MACROD2: variants seen among roughly 807,000 people sequenced by gnomAD.
The protein encoded by MACROD2 is ADP-ribose glycohydrolase MACROD2.
A neutral mutation model predicts 70.4 loss-of-function variants in MACROD2; 36 were observed. That is an observed-to-expected ratio of 0.51 (90% CI 0.39 to 0.68). MACROD2 has a LOEUF of 0.68. Among genes scored for constraint, MACROD2 ranks in the 30% least tolerant of loss-of-function variants. MACROD2 has a pLI of 0.00. For missense variants in MACROD2, 496 were observed against 538.4 expected, an observed-to-expected ratio of 0.92 and a Z score of 0.78; for synonymous variants, 172 against 178.8, an observed-to-expected ratio of 0.96 and a Z score of 0.30.
At chr20:15,655,327 T>C (rs2049712868) in intron 8 of MACROD2, among the ~76,000 whole-genome samples, 1 of 151,976 alleles carries the variant, frequency 6.6e-6, no homozygotes, top group African/African-American at 2.4e-5. Context: ...TTTTTTTTTT[T>C]TTTTTTTAAC....
intron 5 of MACROD2, among the ~76,000 whole-genome samples, chr20:14,725,505 C>T (rs1433002931): frequency 6.6e-6 from 1 of 152,104 alleles, no homozygotes; most frequent in African/African-American, 2.4e-5. Context: ...AAGCCCTTAG[C>T]ATGCTCATAT....
rs535504404 is a variant in MACROD2 at position 14,634,075 on chromosome 20, C to T, written c.302-50768C>T. Reference sequence around the variant, plus strand: ...CCAGGAGCATTGCTCTCTTCACAGCCCCCTGGGCGTGCCATTTCCCACAAC... The same window carrying T: ...CCAGGAGCATTGCTCTCTTCACAGCTCCCTGGGCGTGCCATTTCCCACAAC... On this transcript the variant is annotated intron_variant, in intron 4 of 17. Coordinates refer to ENST00000684519, the MANE Select transcript of MACROD2 (RefSeq NM_001351661.2). 3.3e-5 allele frequency among the ~76,000 whole-genome samples: 5 copies of T among 152,282 alleles called. No individual in the cohort carries two copies. In the East Asian group the frequency reaches 9.7e-4, roughly 29 times the overall value.
intron 5 of MACROD2, among the ~76,000 whole-genome samples, chr20:14,815,666 A>G (rs2072765476): frequency 6.6e-6 from 1 of 152,096 alleles, no homozygotes; most frequent in Non-Finnish European, 1.5e-5. Flanking sequence ...TCTCTGGTAT[A>G]ATGTAGCACT....
intron 8 of MACROD2, among the ~76,000 whole-genome samples, chr20:15,603,345 TA>T (rs112466375): frequency 0.014 from 2,051 of 142,904 alleles, 30 homozygotes; most frequent in South Asian, 0.084. Flanking sequence ...TAAAAATATT[TA>T]AAAAAAAAAA....
In MACROD2 at chr20:14,233,724, G is replaced by A. The variant is rs914773046; in HGVS notation, c.271+147996G>A. ...AAAAAAAAAAAAAAAGAAAAGAAAAGAAAAGAAATGAACTAACAAGTCATG... is the reference window on the plus strand; with the variant it reads ...AAAAAAAAAAAAAAAGAAAAGAAAAAAAAAGAAATGAACTAACAAGTCATG... On this transcript the variant is annotated intron_variant, in intron 3 of 17. Transcript: ENST00000684519. Among the ~76,000 whole-genome samples, 301 of 117,954 alleles carry A rather than the reference G, an allele frequency of 2.6e-3. 6 individuals are homozygous for A. Among genetic ancestry groups the A allele is most frequent in the Middle Eastern group, 4.8e-3 (1 of 208 alleles). The allele number at this position is 117,954 out of a possible 152,430, so 77.4% of individuals were successfully genotyped here. A position where few individuals can be genotyped will look rare whatever the true frequency, so the allele number is the denominator to read the frequency against.
chr20:14,297,493 A>G (rs1002918666), intron 3 of MACROD2, among the ~76,000 whole-genome samples: 5 of 151,924 alleles, frequency 3.3e-5, no homozygotes, highest in African/African-American at 1.2e-4. Context: ...TAATGTGGAG[A>G]AAGTTTGAGT....
intron 13 of MACROD2, among the ~76,000 whole-genome samples, chr20:15,984,636 C>G (rs966914568): frequency 1.3e-5 from 2 of 150,564 alleles, no homozygotes; most frequent in African/African-American, 2.5e-5. Flanking sequence ...TTGCCTCCCC[C>G]CCCCGCCCTT....
At chr20:14,884,858 C>A (rs2122481764) in intron 5 of MACROD2, among the ~76,000 whole-genome samples, 1 of 152,260 alleles carries the variant, frequency 6.6e-6, no homozygotes, top group African/African-American at 2.4e-5. Context: ...CTCCACAACC[C>A]TTTACTTTAA....
At chr20:15,048,110 A>G in intron 5 of MACROD2, among the ~76,000 whole-genome samples, 1 of 150,578 alleles carries the variant, frequency 6.6e-6, no homozygotes, top group South Asian at 2.1e-4. Flanking sequence ...GTAAATAAAT[A>G]AATAAATAAT....
chr20:15,646,536 A>G (rs538692311), intron 8 of MACROD2, among the ~76,000 whole-genome samples: 1 of 152,332 alleles, frequency 6.6e-6, no homozygotes, highest in East Asian at 1.9e-4. Context: ...AAGGTTACAT[A>G]GTGATATGGT....
intron 8 of MACROD2, among the ~76,000 whole-genome samples, chr20:15,704,819 T>A (rs2050509710): frequency 1.3e-5 from 2 of 152,234 alleles, no homozygotes; most frequent in African/African-American, 4.8e-5. Flanking sequence ...GCATAAATAT[T>A]TGAAGTCACG....
chr20:15,281,559 A>G lies in MACROD2; in HGVS notation c.540+51498A>G, dbSNP rs542011511. ...TCCAATAGAGCCCTCATTAAACCTC[A>G]AAGTTCCAAAATTATCTCCTTTAAC... On this transcript the variant is annotated intron_variant, in intron 6 of 17. Transcript: ENST00000684519. 5.9e-5 allele frequency among the ~76,000 whole-genome samples: 9 copies of G among 152,308 alleles called. No homozygotes were observed. In the East Asian group the frequency reaches 1.4e-3, roughly 23 times the overall value.
At chr20:14,731,009 A>ACACACACACAC (rs1555822607) in intron 5 of MACROD2, among the ~76,000 whole-genome samples, 8 of 106,708 alleles carry the variant, frequency 7.5e-5, no homozygotes, top group Non-Finnish European at 1.3e-4. Flanking sequence ...ACACACACAC[A>ACACACACACAC]TGCACACACA....
At chr20:15,528,936 T>G (rs573274752) in intron 8 of MACROD2, among the ~76,000 whole-genome samples, 13 of 152,312 alleles carry the variant, frequency 8.5e-5, no homozygotes, top group Non-Finnish European at 1.9e-4. Context: ...TACCATCAGT[T>G]TTGACCATTT....
At chr20:15,477,098 A>AG (rs2047031819) in intron 7 of MACROD2, among the ~76,000 whole-genome samples, 1 of 69,756 alleles carries the variant, frequency 1.4e-5, no homozygotes, top group Non-Finnish European at 2.8e-5. Flanking sequence ...CTCTATTTTT[A>AG]GTTTTTTTTT....
At chr20:15,984,777 G>A (rs4113090) in intron 13 of MACROD2, among the ~76,000 whole-genome samples, 18,660 of 152,176 alleles carry the variant, frequency 0.12, 1,454 homozygotes, top group East Asian at 0.18. Flanking sequence ...AACCTTGTAA[G>A]TTTGGGATTT....
intron 3 of MACROD2, among the ~76,000 whole-genome samples, chr20:14,227,939 C>A (rs541621466): frequency 2.0e-5 from 3 of 152,098 alleles, no homozygotes; most frequent in African/African-American, 7.2e-5. Context: ...CATGACAATA[C>A]CATTTTAAAA....
chr20:14,292,357 G>A (rs2122454537), intron 3 of MACROD2, among the ~76,000 whole-genome samples: 1 of 151,990 alleles, frequency 6.6e-6, no homozygotes, highest in African/African-American at 2.4e-5. Context: ...AGGTGGTGTT[G>A]CCACTGGCAG....
chr20:15,190,028 A>G (rs769687029), intron 5 of MACROD2, among the ~76,000 whole-genome samples: 1 of 152,150 alleles, frequency 6.6e-6, no homozygotes, highest in Non-Finnish European at 1.5e-5. Flanking sequence ...GCTCAAATAC[A>G]TACTACTTCC....
Sources: allele counts gnomAD v4.1 joint callset (sites outside exome capture counted in the v4.1 genomes callset), GRCh38; gene constraint gnomAD v4.1.1; transcripts MANE v1.5; gene names NCBI Gene and HGNC (gene_info 2026-07-23, HGNC 2026-07-21).